Variants in ARID1B observed in about 807,000 individuals in gnomAD.
ARID1B encodes AT-rich interaction domain 1B.
ARID1B carries 30 observed loss-of-function variants against 212.3 expected under a neutral mutation model. The observed-to-expected ratio is 0.14, with a 90% CI of 0.11 to 0.19. The LOEUF (loss-of-function observed/expected upper bound fraction) is 0.19, where lower values mean the gene tolerates loss of function less well. Ranked by LOEUF, ARID1B falls within the 10% of genes least tolerant of loss-of-function variation. The pLI, the probability that ARID1B is intolerant of heterozygous loss-of-function variation, is 1.00. For missense variants in ARID1B, 2,891 were observed against 3,204.0 expected (o/e 0.90, Z 2.36); for synonymous variants, 1,402 against 1,301.7 (o/e 1.08, Z -1.66).
At chr6:156,872,982 A>G (rs984583614) in intron 2 of ARID1B, among the ~76,000 whole-genome samples, 2 of 150,712 alleles carry the variant, frequency 1.3e-5, no homozygotes, top group African/African-American at 4.9e-5. Context: ...AGACCCCTCT[A>G]CTCTTCCTTC....
chr6:157,143,904 C>A lies in ARID1B; in HGVS notation c.2762-4720C>A, dbSNP rs139198710. Among the ~76,000 whole-genome samples, 6 of 152,320 alleles carry A rather than the reference C, an allele frequency of 3.9e-5. No individual in the cohort carries two copies. The East Asian group carries it at 1.2e-3, about 29-fold the overall frequency. ...TTGAGTGCCAATTCATGGAATCAAC[C>A]CAACTGATTGGAGAGAAATAGATTG... On this transcript the variant is annotated intron_variant, in intron 7 of 19. Transcript: ENST00000636930.
intron 2 of ARID1B, among the ~76,000 whole-genome samples, chr6:156,883,669 G>A (rs373250675): frequency 2.0e-5 from 3 of 152,028 alleles, no homozygotes; most frequent in African/African-American, 7.2e-5. Flanking sequence ...CTGTCACCTC[G>A]TCTCACTCCA....
intron 6 of ARID1B, among the ~76,000 whole-genome samples, chr6:157,130,765 C>T (rs761855728): frequency 8.5e-5 from 13 of 152,166 alleles, no homozygotes; most frequent in Non-Finnish European, 1.9e-4. Context: ...ATCTTACCCT[C>T]CAGCTGCCTC....
intron 3 of ARID1B, among the ~76,000 whole-genome samples, chr6:156,907,748 A>C (rs918608580): frequency 3.3e-5 from 5 of 151,588 alleles, no homozygotes; most frequent in Non-Finnish European, 7.4e-5. Context: ...AATGCAAAAA[A>C]AAAAAAAAAA....
chr6:156,779,712 CCGCCGGCCCGCACCCGCGTCCCCCCCCT>C (rs1779076747), intron 1 of ARID1B: 1 of 170,186 alleles, frequency 5.9e-6, no homozygotes, highest in Admixed American at 6.4e-5. Flanking sequence ...GGCTTCTACC[CCGCCGGCCCGCACCCGCGTCCCCCCCCT>C]CCCCCAGGCC....
At chr6:157,192,956 T>G (rs1793486369) in intron 15 of ARID1B, among the ~76,000 whole-genome samples, 1 of 152,202 alleles carries the variant, frequency 6.6e-6, no homozygotes. Flanking sequence ...CTGCTGCTGG[T>G]GGTGTTAACC....
intron 4 of ARID1B, among the ~76,000 whole-genome samples, chr6:156,944,463 C>T (rs1792909717): frequency 6.6e-6 from 1 of 152,076 alleles, no homozygotes. Flanking sequence ...AGTTTGGGAG[C>T]CGTGATGTCG....
intron 2 of ARID1B, among the ~76,000 whole-genome samples, chr6:156,855,775 G>A (rs770609629): frequency 6.6e-6 from 1 of 152,146 alleles, no homozygotes; most frequent in Non-Finnish European, 1.5e-5. Flanking sequence ...CACAACTAGA[G>A]ATGGGAATAT....
chr6:157,066,975 T>C (rs1420567309), intron 4 of ARID1B, among the ~76,000 whole-genome samples: 1 of 152,030 alleles, frequency 6.6e-6, no homozygotes, highest in Admixed American at 6.6e-5. Context: ...GAGAGCTGGA[T>C]TGAAATCATG....
At chr6:156,959,931 T>C (rs12526286) in intron 4 of ARID1B, among the ~76,000 whole-genome samples, 19 of 139,344 alleles carry the variant, frequency 1.4e-4, no homozygotes, top group African/African-American at 2.0e-4. Context: ...GCTTCTTTTT[T>C]TTTTTTTTTT....
At chr6:156,813,195 C>A (rs1243146333) in intron 1 of ARID1B, among the ~76,000 whole-genome samples, 2 of 150,862 alleles carry the variant, frequency 1.3e-5, no homozygotes, top group Non-Finnish European at 3.0e-5. Context: ...CCTCTGCCAC[C>A]CAGGTTGAAG....
chr6:156,799,159 A>G (rs561879713), intron 1 of ARID1B, among the ~76,000 whole-genome samples: 25 of 122,522 alleles, frequency 2.0e-4, no homozygotes, highest in South Asian at 1.4e-3. Context: ...TGTTGTAGTG[A>G]AATACTAAGT....
chr6:157,027,904 T>G (rs1164161738), intron 4 of ARID1B, among the ~76,000 whole-genome samples: 1 of 152,258 alleles, frequency 6.6e-6, no homozygotes, highest in Non-Finnish European at 1.5e-5. Flanking sequence ...ATTTTTATCT[T>G]TTAGTACTTC....
chr6:157,174,752 A>T (rs565479499), intron 10 of ARID1B, 95 bp from the exon 11 acceptor site: 2 of 514,476 alleles, frequency 3.9e-6, no homozygotes, highest in Admixed American at 8.4e-5. Context: ...TATATATAAA[A>T]AAATTAGTTT....
At position 156,888,148 on chromosome 6, in the gene ARID1B, T is replaced by C. The variant is rs533836716; in HGVS notation, c.1987-13228T>C. ...TTTAAAATTTTCTGAAATTCCCCTT[T>C]GGCACATTCATTTTGGCAGCTGGGT... On this transcript the variant is annotated intron_variant, in intron 2 of 19. Transcript: ENST00000636930. 4.6e-5 allele frequency among the ~76,000 whole-genome samples: 7 copies of C among 152,374 alleles called. No homozygotes were observed. The East Asian group carries it at 1.3e-3, about 29-fold the overall frequency.
At chr6:157,114,020 C>T (rs576404654) in intron 6 of ARID1B, among the ~76,000 whole-genome samples, 49 of 152,250 alleles carry the variant, frequency 3.2e-4, no homozygotes, top group African/African-American at 1.1e-3. Context: ...TTTGTTGGAC[C>T]ATCATTTGGT....
At chr6:157,137,278 G>A (rs758562400) in intron 7 of ARID1B, among the ~76,000 whole-genome samples, 1 of 152,118 alleles carries the variant, frequency 6.6e-6, no homozygotes, top group Non-Finnish European at 1.5e-5. Context: ...AATAAATGAA[G>A]CCAATATAAA....
intron 4 of ARID1B, among the ~76,000 whole-genome samples, chr6:156,967,285 A>G (rs1197608972): frequency 6.6e-6 from 1 of 152,256 alleles, no homozygotes; most frequent in African/African-American, 2.4e-5. Context: ...GGCCACATAC[A>G]TACACATATC....
Position 157,167,217 on chromosome 6 carries a change from C to G in ARID1B, c.3235+32C>G, listed in dbSNP as rs374613300. 3 of 1,590,514 alleles carry G rather than the reference C, an allele frequency of 1.9e-6. No individual in the cohort carries two copies. The African/African-American group carries it at 4.0e-5, about 21-fold the overall frequency. ...TTGGCAGCTCTGCGCTCCTGAGCCC[C>G]TCTCTCTCCCCTCTCCTCCTCTTAG... On this transcript the variant is annotated intron_variant, in intron 9 of 19. Coordinates refer to ENST00000636930, the MANE Select transcript of ARID1B (RefSeq NM_001374828.1).
Sources: gnomAD v4.1 joint callset for allele counts (sites outside exome capture counted in the v4.1 genomes callset) on GRCh38, gnomAD v4.1.1 for gene constraint, MANE v1.5 for transcripts, NCBI Gene and HGNC (gene_info 2026-07-23, HGNC 2026-07-21) for gene names.